BRD10: variants seen among roughly 807,000 people sequenced by gnomAD.
BRD10 encodes the protein bromodomain containing 10.
At chr9:5,961,102 A>G in the BRD10 span, among the ~76,000 whole-genome samples, 1 of 152,232 alleles carries the variant, frequency 6.6e-6, no homozygotes, top group Admixed American at 6.5e-5. Context: ...TTCCCACACA[A>G]TGCATCAATC....
chr9:5,971,824 G>T, the BRD10 span, among the ~76,000 whole-genome samples: 2 of 151,892 alleles, frequency 1.3e-5, no homozygotes, highest in Admixed American at 1.3e-4. Flanking sequence ...CTCAGTAGAG[G>T]GGCATACTAG....
At chr9:5,922,172 CTT>C in the BRD10 span, 1 of 1,613,950 alleles carries the variant, frequency 6.2e-7, no homozygotes, top group Non-Finnish European at 8.5e-7. Context: ...CTGTGAATCT[CTT>C]ATGCACACAG....
the BRD10 span, among the ~76,000 whole-genome samples, chr9:5,989,654 T>A: frequency 6.6e-6 from 1 of 151,196 alleles, no homozygotes; most frequent in African/African-American, 2.4e-5. Flanking sequence ...CTCAGCCTCC[T>A]CAGTAGCTGG....
the BRD10 span, among the ~76,000 whole-genome samples, chr9:5,999,452 C>T: frequency 6.6e-6 from 1 of 152,106 alleles, no homozygotes; most frequent in Non-Finnish European, 1.5e-5. Flanking sequence ...ATAAGCAAAG[C>T]TGAAAATTAA....
chr9:5,996,298 T>C, the BRD10 span, among the ~76,000 whole-genome samples: 182 of 68,230 alleles, frequency 2.7e-3, 1 homozygote, highest in African/African-American at 6.2e-3. Context: ...CTGAAGACCA[T>C]GTAACTTGGT....
At chr9:5,985,168 T>A in the BRD10 span, among the ~76,000 whole-genome samples, 1 of 152,234 alleles carries the variant, frequency 6.6e-6, no homozygotes, top group Admixed American at 6.5e-5. Flanking sequence ...GAATAGTTTT[T>A]GTTCAACAAA....
At chr9:5,980,518 C>G in the BRD10 span, among the ~76,000 whole-genome samples, 1 of 152,146 alleles carries the variant, frequency 6.6e-6, no homozygotes, top group East Asian at 1.9e-4. Context: ...AATCAGCCTA[C>G]TGTATAAAAA....
At chr9:6,002,746 G>A in the BRD10 span, among the ~76,000 whole-genome samples, 6 of 148,148 alleles carry the variant, frequency 4.1e-5, no homozygotes, top group South Asian at 4.3e-4. Flanking sequence ...GCACCATCTC[G>A]GCTCACCGCA....
At chr9:5,905,499 TA>T in the BRD10 span, among the ~76,000 whole-genome samples, 571 of 152,280 alleles carry the variant, frequency 3.7e-3, 3 homozygotes, top group African/African-American at 0.013. Context: ...CTTCAAACCA[TA>T]AAAAAATTTT....
the BRD10 span, among the ~76,000 whole-genome samples, chr9:5,916,922 C>T: frequency 2.6e-5 from 4 of 152,128 alleles, no homozygotes; most frequent in South Asian, 2.1e-4. Context: ...GCTCTAGCCA[C>T]GATCTCAGAA....
At chr9:5,922,928 T>C in the BRD10 span, 24 of 1,614,038 alleles carry the variant, frequency 1.5e-5, no homozygotes, top group African/African-American at 2.5e-4. Flanking sequence ...AGGAGGCAGT[T>C]GATTTGTTAA....
chr9:5,923,552 A>C, the BRD10 span, among the ~76,000 whole-genome samples: 3 of 152,164 alleles, frequency 2.0e-5, no homozygotes, highest in Non-Finnish European at 4.4e-5. Context: ...TTTTGGTCAA[A>C]ATTTTTGGTC....
the BRD10 span, among the ~76,000 whole-genome samples, chr9:5,905,864 C>A: frequency 6.6e-6 from 1 of 152,194 alleles, no homozygotes; most frequent in South Asian, 2.1e-4. Context: ...GACTATTCTC[C>A]CGGCCATGGT....
chr9:5,909,329 G>A, the BRD10 span: 1 of 153,086 alleles, frequency 6.5e-6, no homozygotes, highest in Non-Finnish European at 1.5e-5. Context: ...CGCGATCTTG[G>A]CTCACCATAA....
the BRD10 span, among the ~76,000 whole-genome samples, chr9:5,883,167 AAAAC>A: frequency 0.67 from 101,706 of 151,526 alleles, 34,787 homozygotes; most frequent in Non-Finnish European, 0.76. Context: ...AAAAAAAACA[AAAAC>A]AAAGACAAAA....
At chr9:5,932,904 C>G in the BRD10 span, among the ~76,000 whole-genome samples, 1 of 152,082 alleles carries the variant, frequency 6.6e-6, no homozygotes, top group African/African-American at 2.4e-5. Context: ...CTTATTTTAA[C>G]TTTTAAAATT....
At chr9:5,945,311 C>G in the BRD10 span, among the ~76,000 whole-genome samples, 1 of 152,048 alleles carries the variant, frequency 6.6e-6, no homozygotes, top group Admixed American at 6.6e-5. Context: ...GTCAAATCAC[C>G]TTTAAGAAAT....
chr9:5,991,583 C>A, the BRD10 span, among the ~76,000 whole-genome samples: 2 of 151,894 alleles, frequency 1.3e-5, no homozygotes, highest in Non-Finnish European at 2.9e-5. Context: ...ATTAGCTGGG[C>A]CTGATGGCAC....
the BRD10 span, among the ~76,000 whole-genome samples, chr9:5,980,484 T>C: frequency 3.9e-5 from 6 of 152,242 alleles, no homozygotes; most frequent in Non-Finnish European, 5.9e-5. Flanking sequence ...ATTATTTTGA[T>C]AGCATATACT....
Sources: gnomAD v4.1 joint callset for allele counts (sites outside exome capture counted in the v4.1 genomes callset) on GRCh38, gnomAD v4.1.1 for gene constraint, MANE v1.5 for transcripts, NCBI Gene and HGNC (gene_info 2026-07-23, HGNC 2026-07-21) for gene names.